TOX3: variants seen among roughly 807,000 people sequenced by gnomAD.
TOX3 encodes the protein TOX high mobility group box family member 3.
Under a neutral mutation model 64.3 loss-of-function variants are expected in TOX3, and 22 were observed. The ratio of observed to expected loss-of-function variants is 0.34; its 90% CI spans 0.24 to 0.49. The LOEUF is 0.49. Among genes scored for constraint, TOX3 ranks in the 20% least tolerant of loss-of-function variants. The pLI is 0.99. For synonymous variants in TOX3, 291 were observed against 273.6 expected, an observed-to-expected ratio of 1.06 and a Z score of -0.63; for missense variants, 661 against 714.4, an observed-to-expected ratio of 0.93 and a Z score of 0.85.
At chr16:52,452,186 A>G (rs1960371179) in intron 3 of TOX3, among the ~76,000 whole-genome samples, 1 of 152,204 alleles carries the variant, frequency 6.6e-6, no homozygotes, top group African/African-American at 2.4e-5. Context: ...AACATTAACA[A>G]TGGTTACATT....
chr16:52,544,166 T>A (rs575845175), intron 1 of TOX3, among the ~76,000 whole-genome samples: 1 of 152,196 alleles, frequency 6.6e-6, no homozygotes, highest in Non-Finnish European at 1.5e-5. Flanking sequence ...TATTTTCAAA[T>A]AAAATAAATG....
chr16:52,537,150 T>C (rs1596868885), intron 1 of TOX3, among the ~76,000 whole-genome samples: 1 of 152,222 alleles, frequency 6.6e-6, no homozygotes, highest in East Asian at 1.9e-4. Context: ...TGTCACCCTC[T>C]ACCTATACAC....
At chr16:52,465,858 A>G (rs927755624) in intron 2 of TOX3, among the ~76,000 whole-genome samples, 2 of 152,180 alleles carry the variant, frequency 1.3e-5, no homozygotes, top group African/African-American at 2.4e-5. Context: ...AGCAGGCTCA[A>G]TATATTCAAA....
intron 1 of TOX3, among the ~76,000 whole-genome samples, chr16:52,542,681 G>T (rs1180418143): frequency 3.9e-5 from 6 of 152,074 alleles, no homozygotes; most frequent in Admixed American, 2.0e-4. Flanking sequence ...CTAGTTTAAG[G>T]CTCTTAGGAA....
At chr16:52,479,821 T>C (rs996096164) in intron 1 of TOX3, among the ~76,000 whole-genome samples, 3 of 152,182 alleles carry the variant, frequency 2.0e-5, no homozygotes, top group Non-Finnish European at 2.9e-5. Flanking sequence ...GAATAACAAC[T>C]TAGCTCTCAT....
In TOX3 at chr16:52,540,775, T is replaced by C. The variant is rs541534834; in HGVS notation, c.87+5862A>G. 2.6e-5 allele frequency among the ~76,000 whole-genome samples: 4 copies of C among 152,294 alleles called. No individual in the cohort carries two copies. In the South Asian group the frequency reaches 8.3e-4, roughly 32 times the overall value. The stretch of plus-strand genomic sequence containing the variant: ...CATGTGACGATGTGACACCCAGAGC[T>C]ACAGCAGCCAACTTGTAGCCATGGG... On this transcript the variant is annotated intron_variant, in intron 1 of 6. Coordinates refer to ENST00000219746, the MANE Select transcript of TOX3 (RefSeq NM_001080430.4).
intron 1 of TOX3, among the ~76,000 whole-genome samples, chr16:52,505,416 T>C (rs1962133405): frequency 6.6e-6 from 1 of 152,236 alleles, no homozygotes; most frequent in Non-Finnish European, 1.5e-5. Flanking sequence ...TCTTTAGCTA[T>C]AATAAACTCT....
Position 52,546,940 on chromosome 16 carries a change from G to GAA in TOX3, c.-218_-217insTT. 7.0e-6 allele frequency: 7 copies of GAA among 1,006,850 alleles called. No individual in the cohort carries two copies. Among genetic ancestry groups the GAA allele is most frequent in the Non-Finnish European group, 8.3e-6 (7 of 845,586 alleles). 62.4% of individuals were successfully genotyped at this position (1,006,850 alleles called of 1,614,324 possible). On this transcript the variant is annotated 5_prime_UTR_variant, in exon 1 of 7. Transcript: ENST00000219746. ...CGCGAGCCGCGGGAGAGCGGGAGGC[G>GAA]GCCGGGGGGACGCGCCCCGCCGGGG...
intron 1 of TOX3, among the ~76,000 whole-genome samples, chr16:52,517,823 C>T (rs1209942271): frequency 6.6e-6 from 1 of 152,168 alleles, no homozygotes; most frequent in East Asian, 1.9e-4. Context: ...AAAAACGTTT[C>T]TATTTAGTCC....
intron 1 of TOX3, among the ~76,000 whole-genome samples, chr16:52,510,778 A>AAAAAAAAAAG (rs574634087): frequency 2.0e-4 from 23 of 115,156 alleles, no homozygotes; most frequent in African/African-American, 3.1e-4. Flanking sequence ...AAAAAAAAAA[A>AAAAAAAAAAG]AAGAAGAAGA....
chr16:52,463,648 C>G (rs1960761387), intron 3 of TOX3, among the ~76,000 whole-genome samples: 1 of 152,194 alleles, frequency 6.6e-6, no homozygotes, highest in African/African-American at 2.4e-5. Flanking sequence ...GTTAAGCCAA[C>G]AGCAAGGGAA....
intron 1 of TOX3, among the ~76,000 whole-genome samples, chr16:52,505,113 C>T (rs528225978): frequency 2.6e-5 from 4 of 152,166 alleles, no homozygotes; most frequent in African/African-American, 9.6e-5. Context: ...GGATTACAGG[C>T]GTGAACCACC....
intron 2 of TOX3, among the ~76,000 whole-genome samples, chr16:52,468,045 C>G (rs1960920900): frequency 1.3e-5 from 2 of 152,264 alleles, no homozygotes; most frequent in East Asian, 3.9e-4. Context: ...ACCCCAAGCC[C>G]CAGGAAACTA....
intron 1 of TOX3, among the ~76,000 whole-genome samples, chr16:52,481,150 A>G (rs1961359698): frequency 6.6e-6 from 1 of 152,192 alleles, no homozygotes; most frequent in Non-Finnish European, 1.5e-5. Flanking sequence ...TTGCTTCTAC[A>G]CTATCCAAAT....
chr16:52,501,679 A>AC (rs1186585498), intron 1 of TOX3, among the ~76,000 whole-genome samples: 4 of 150,588 alleles, frequency 2.7e-5, no homozygotes, highest in Admixed American at 2.0e-4. Flanking sequence ...CAAACAAACA[A>AC]ACAAAAAAAA....
At chr16:52,465,436 TGGCAA>T (rs1960833946) in intron 2 of TOX3, among the ~76,000 whole-genome samples, 1 of 148,762 alleles carries the variant, frequency 6.7e-6, no homozygotes. Flanking sequence ...TCTGGGGGAG[TGGCAA>T]GGTCTAGGTT....
intron 3 of TOX3, among the ~76,000 whole-genome samples, chr16:52,461,183 C>T (rs1960675677): frequency 6.6e-6 from 1 of 152,088 alleles, no homozygotes; most frequent in South Asian, 2.1e-4. Context: ...CTCTGATCAT[C>T]TGAACTGACA....
Position 52,450,654 on chromosome 16 carries a change from A to T in TOX3, c.409-108T>A, listed in dbSNP as rs983455890. On this transcript the variant is annotated intron_variant, in intron 3 of 6. Coordinates refer to ENST00000219746, the MANE Select transcript of TOX3 (RefSeq NM_001080430.4). Reference sequence around the variant, plus strand: ...AGGTTTGAACTGTTGCAATGTTGATAGGTCTGACCTATTGCAGGATGATGG... The same window carrying T: ...AGGTTTGAACTGTTGCAATGTTGATTGGTCTGACCTATTGCAGGATGATGG... The T allele has an allele frequency of 1.6e-5, 22 of 1,364,892 alleles. No homozygotes were observed. The African/African-American group carries it at 3.1e-4, about 19-fold the overall frequency. 84.5% of individuals were successfully genotyped at this position (1,364,892 alleles called of 1,614,324 possible).
chr16:52,543,698 T>C (rs951108529), intron 1 of TOX3, among the ~76,000 whole-genome samples: 4 of 152,342 alleles, frequency 2.6e-5, no homozygotes, highest in Admixed American at 1.3e-4. Context: ...GGCTGGTTCA[T>C]GAATTATTAA....
Sources: allele counts gnomAD v4.1 joint callset (sites outside exome capture counted in the v4.1 genomes callset), GRCh38; gene constraint gnomAD v4.1.1; transcripts MANE v1.5; gene names NCBI Gene and HGNC (gene_info 2026-07-23, HGNC 2026-07-21).